SLCO1B3: variants seen among roughly 807,000 people sequenced by gnomAD.
SLCO1B3 encodes the protein solute carrier organic anion transporter family member 1B3.
SLCO1B3 carries 72 observed loss-of-function variants against 71.8 expected under a neutral mutation model. The ratio of observed to expected loss-of-function variants is 1.00; its 90% confidence interval spans 0.83 to 1.22. The LOEUF is 1.22. SLCO1B3 is among the 50% of genes most tolerant of loss of function. SLCO1B3 has a pLI of 0.00. For missense variants in SLCO1B3, 911 were observed against 819.7 expected, an observed-to-expected ratio of 1.11 and a Z score of -1.36; for synonymous variants, 298 against 278.4, an observed-to-expected ratio of 1.07 and a Z score of -0.70.
At chr12:20,892,148 T>G (rs1207603947) in intron 13 of SLCO1B3, among the ~76,000 whole-genome samples, 1 of 152,134 alleles carries the variant, frequency 6.6e-6, no homozygotes, top group Non-Finnish European at 1.5e-5. Flanking sequence ...ACTTCCAGAA[T>G]TCTTTCTCTG....
intron 10 of SLCO1B3, among the ~76,000 whole-genome samples, 174 bp from the exon 11 acceptor site, chr12:20,879,262 G>A (rs550880921): frequency 7.0e-6 from 1 of 143,662 alleles, no homozygotes; most frequent in East Asian, 2.0e-4. Flanking sequence ...AGGCTGGGGT[G>A]CAGTGGCGCG....
At chr12:20,843,366 G>A (rs1244886215) in intron 3 of SLCO1B3, among the ~76,000 whole-genome samples, 4 of 152,046 alleles carry the variant, frequency 2.6e-5, no homozygotes, top group African/African-American at 9.7e-5. Context: ...TTTGATTTCA[G>A]TGTGTATCTT....
At chr12:20,855,736 TTTATATAATAATTGAAAATA>T (rs1301822603) in intron 4 of SLCO1B3, among the ~76,000 whole-genome samples, 1 of 150,942 alleles carries the variant, frequency 6.6e-6, no homozygotes, top group Non-Finnish European at 1.5e-5. Context: ...ATAGTGAGAT[TTTATATAATAATTGAAAATA>T]TTATATAATA....
chr12:20,862,939 A>C (rs942198735), intron 8 of SLCO1B3, 85 bp downstream of exon 8: 1 of 676,538 alleles, frequency 1.5e-6, no homozygotes, highest in East Asian at 2.7e-5. Context: ...TCAGTCTTTC[A>C]ATAGTTCTTT....
rs1866303216 is a variant in SLCO1B3, at chr12:20,908,594, C to A, written c.1865+7127C>A. Among the ~76,000 whole-genome samples the A allele has an allele frequency of 5.3e-5, 8 of 152,340 alleles. No homozygotes were observed. In the South Asian group the frequency reaches 1.7e-3, roughly 32 times the overall value. On this transcript the variant is annotated intron_variant, in intron 15 of 15. Coordinates refer to ENST00000381545, the MANE Select transcript of SLCO1B3 (RefSeq NM_019844.4). ...GAAACCAATAGTCTCTTTACTACTT[C>A]CACAATTTTGTCTGCTTCAGATCAT...
chr12:20,871,829 T>G (rs913682696), intron 8 of SLCO1B3, among the ~76,000 whole-genome samples: 7 of 152,086 alleles, frequency 4.6e-5, no homozygotes, highest in African/African-American at 1.7e-4. Flanking sequence ...GGGTAAGACC[T>G]GAAGCCAGCA....
chr12:20,901,790 C>G (rs1405901356), intron 15 of SLCO1B3: 1 of 349,408 alleles, frequency 2.9e-6, no homozygotes, highest in Non-Finnish European at 5.4e-6. Context: ...ACAAAGCTCT[C>G]TCCCACTGGC....
chr12:20,911,062 A>G (rs896933772), intron 15 of SLCO1B3, among the ~76,000 whole-genome samples: 2 of 152,072 alleles, frequency 1.3e-5, no homozygotes, highest in Admixed American at 6.6e-5. Flanking sequence ...TTCACCATCA[A>G]GTAAAAAATG....
intron 3 of SLCO1B3, among the ~76,000 whole-genome samples, chr12:20,828,646 T>TACACACACACAC (rs142800781): frequency 2.0e-5 from 3 of 149,592 alleles, no homozygotes; most frequent in Non-Finnish European, 3.0e-5. Flanking sequence ...CACACACACA[T>TACACACACACAC]ACACACACAC....
At chr12:20,844,805 G>A (rs149177654) in intron 3 of SLCO1B3, among the ~76,000 whole-genome samples, 8,545 of 151,972 alleles carry the variant, frequency 0.056, 312 homozygotes, top group East Asian at 0.17. Flanking sequence ...CAAGGTGGGC[G>A]AATCATCTGA....
intron 3 of SLCO1B3, among the ~76,000 whole-genome samples, chr12:20,838,357 G>A (rs1864727484): frequency 6.6e-6 from 1 of 151,652 alleles, no homozygotes; most frequent in Non-Finnish European, 1.5e-5. Context: ...ATTTAAAGTG[G>A]GTGTCATGCA....
intron 5 of SLCO1B3, chr12:20,858,928 C>CTG (rs1245111792): frequency 6.4e-6 from 1 of 156,164 alleles, no homozygotes; most frequent in East Asian, 1.9e-4. Context: ...TCACCTGCTG[C>CTG]TGTACAGGTT....
At chr12:20,856,565 T>G (rs1488653526) in intron 4 of SLCO1B3, among the ~76,000 whole-genome samples, 2 of 152,106 alleles carry the variant, frequency 1.3e-5, no homozygotes, top group Non-Finnish European at 2.9e-5. Context: ...TTTTGTTTGT[T>G]TGTTTTTGTT....
At chr12:20,881,634 A>G (rs1865695572) in intron 12 of SLCO1B3, among the ~76,000 whole-genome samples, 1 of 151,890 alleles carries the variant, frequency 6.6e-6, no homozygotes, top group Non-Finnish European at 1.5e-5. Flanking sequence ...CTGATTGCCA[A>G]CATATCCATT....
chr12:20,833,349 ACC>A (rs1864584030), intron 3 of SLCO1B3, among the ~76,000 whole-genome samples: 1 of 151,512 alleles, frequency 6.6e-6, no homozygotes, highest in African/African-American at 2.4e-5. Context: ...TCATTACTCT[ACC>A]TAAGGTTATA....
At position 20,916,024 on chromosome 12, in the gene SLCO1B3, C is replaced by CTATA; in HGVS notation, c.1887_1890dup (p.Ala631TyrfsTer33). The CTATA allele has an allele frequency of 6.2e-7, 1 of 1,607,688 alleles. No individual in the cohort carries two copies. Among genetic ancestry groups the CTATA allele is most frequent in the Non-Finnish European group, 8.5e-7 (1 of 1,174,936 alleles). Reference sequence around the variant, plus strand: ...CACAGAAGGGTCTACTTGGGCTTATCTATAGCTTTAAGATTCCCAGCACTT... The same window carrying CTATA: ...CACAGAAGGGTCTACTTGGGCTTATCTATATATAGCTTTAAGATTCCCAGCACTT... On this transcript the variant is annotated frameshift_variant, in exon 16 of 16. Coordinates refer to ENST00000381545, the MANE Select transcript of SLCO1B3 (RefSeq NM_019844.4). LOFTEE classifies it high-confidence loss of function.
At chr12:20,850,090 A>G (rs1864994999) in intron 3 of SLCO1B3, among the ~76,000 whole-genome samples, 1 of 149,650 alleles carries the variant, frequency 6.7e-6, no homozygotes, top group Admixed American at 6.6e-5. Flanking sequence ...GTCATATGAA[A>G]TGGCAAGGGT....
intron 3 of SLCO1B3, among the ~76,000 whole-genome samples, chr12:20,847,217 A>C (rs984191805): frequency 7.6e-5 from 7 of 91,634 alleles, no homozygotes; most frequent in African/African-American, 1.9e-4. Context: ...AGGTGGAAGA[A>C]TTAAAAAAAA....
intron 2 of SLCO1B3, among the ~76,000 whole-genome samples, chr12:20,814,687 G>A (rs1359779147): frequency 1.3e-5 from 2 of 151,986 alleles, no homozygotes; most frequent in African/African-American, 4.8e-5. Flanking sequence ...TCAGGAGATC[G>A]AGACCATGCT....
Sources: gnomAD v4.1 joint callset for allele counts (sites outside exome capture counted in the v4.1 genomes callset) on GRCh38, gnomAD v4.1.1 for gene constraint, MANE v1.5 for transcripts, NCBI Gene and HGNC (gene_info 2026-07-23, HGNC 2026-07-21) for gene names.